The following ZNF547 variants were observed in gnomAD, a reference collection of about 807,000 sequenced individuals.
ZNF547 encodes the protein zinc finger protein 547.
In ZNF547, 4 loss-of-function variants were observed where a neutral mutation model predicts 7.7. The ratio of observed to expected loss-of-function variants is 0.52; its 90% CI spans 0.26 to 1.20. ZNF547 has a LOEUF of 1.20. Among genes scored for constraint, ZNF547 ranks in the 50% most tolerant of loss-of-function variants. The probability of loss-of-function intolerance (pLI) is 0.14; values close to 1 mark genes in which losing one functional copy is unlikely to be tolerated. For synonymous variants in ZNF547, 166 were observed against 166.2 expected, an observed-to-expected ratio of 1.00 and a Z score of 0.01; for missense variants, 449 against 485.8, an observed-to-expected ratio of 0.92 and a Z score of 0.71.
chr19:57,371,832 G>C lies in ZNF547; in HGVS notation c.75G>C (p.Trp25Cys), dbSNP rs1486014176. Reference sequence around the variant, plus strand: ...CCATATATTTCTCCCAGGAGGAGTGGGGGCATCTCGATGAGGCTCAGAGAT... The same window carrying C: ...CCATATATTTCTCCCAGGAGGAGTGCGGGCATCTCGATGAGGCTCAGAGAT... ...DVAIYFSQEE[W>C]GHLDEAQRLL... The change falls in exon 3 of 4, where the codon TGG (tryptophan) becomes TGC (cysteine). Residue 25 changes from tryptophan to cysteine, a missense_variant. Trp to Cys is a radical substitution (Grantham distance 215). Coordinates refer to ENST00000282282, the MANE Select transcript of ZNF547 (RefSeq NM_173631.4). The C allele has an allele frequency of 6.2e-7, 1 of 1,613,602 alleles. No individual in the cohort carries two copies. The highest frequency in any genetic ancestry group is 1.7e-5 in the Admixed American group (1 of 59,826).
Position 57,377,257 on chromosome 19 carries a change from C to G in ZNF547, c.281C>G (p.Ser94Ter). 1 of 1,614,228 alleles carries G rather than the reference C, an allele frequency of 6.2e-7. No homozygotes were observed. The highest frequency in any genetic ancestry group is 8.5e-7 in the Non-Finnish European group (1 of 1,180,056). The change falls in exon 4 of 4, where the codon TCA (serine) becomes TGA (stop). Residue 94 changes from serine (S) to a stop codon, truncating the protein, a stop_gained. Transcript: ENST00000282282. LOFTEE classifies it low-confidence loss of function (END_TRUNC). Reference protein sequence around the residue: ...QNTQPCETCSSLLKDILRLAE... With the variant: ...QNTQPCETCS ...ACCCAGCCCTGTGAGACATGTAGCT[C>G]ACTTCTGAAGGACATTCTGCGTCTG...
At chr19:57,364,839 T>C (rs1428792997) in intron 1 of ZNF547, 1 of 1,606,152 alleles carries the variant, frequency 6.2e-7, no homozygotes, top group African/African-American at 1.3e-5. Context: ...AGACCATGTC[T>C]GGAAGCTTCT....
Position 57,368,662 on chromosome 19 carries a change from CAG to C in ZNF547, c.24+87_24+88del, listed in dbSNP as rs1269654518. On this transcript the variant is annotated intron_variant, in intron 2 of 3. Coordinates refer to ENST00000282282, the MANE Select transcript of ZNF547 (RefSeq NM_173631.4). The stretch of plus-strand genomic sequence containing the variant: ...CCTCCATGTAAAGAAAAGTGGTGTC[CAG>C]AGACTCTCTTTCTGTCTTTCTCCCT... 3.0e-6 allele frequency: 4 copies of C among 1,324,098 alleles called. No individual in the cohort carries two copies. In the Admixed American group the frequency reaches 6.9e-5, roughly 23 times the overall value. The allele number at this position is 1,324,098 out of a possible 1,614,324, so 82.0% of individuals were successfully genotyped here. A position where few individuals can be genotyped will look rare whatever the true frequency, so the allele number is the denominator to read the frequency against.
chr19:57,375,408 TG>T (rs113478685), intron 3 of ZNF547, among the ~76,000 whole-genome samples: 8,419 of 151,362 alleles, frequency 0.056, 746 homozygotes, highest in African/African-American at 0.19. Context: ...CCCAGCACCT[TG>T]GGGGGGCTGA....
chr19:57,368,620 C>T (rs769838011), intron 2 of ZNF547, 41 bp downstream of exon 2: 19 of 1,607,708 alleles, frequency 1.2e-5, no homozygotes, highest in Non-Finnish European at 1.6e-5. Context: ...CCAGTTATCT[C>T]ATAGATGGTT....
At position 57,371,864 on chromosome 19, in the gene ZNF547, A is replaced by G. The variant is rs2088506894; in HGVS notation, c.107A>G (p.Tyr36Cys). 1.9e-6 allele frequency: 3 copies of G among 1,613,470 alleles called. No individual in the cohort carries two copies. The highest frequency in any genetic ancestry group is 2.5e-6 in the Non-Finnish European group (3 of 1,179,744). ...CTCGATGAGGCTCAGAGATTGCTGT[A>G]CCGTGATGTGATGCTGGAGAATTTG... Reference protein sequence around the residue: ...GHLDEAQRLLYRDVMLENLAL... With the variant: ...GHLDEAQRLLCRDVMLENLAL... Residue 36 changes from tyrosine (Y) to cysteine (C), a missense_variant, in exon 3 of 4, where the codon TAC becomes TGC. Coordinates refer to ENST00000282282, the MANE Select transcript of ZNF547 (RefSeq NM_173631.4).
chr19:57,378,503 A>G lies in ZNF547; in HGVS notation c.*318A>G, dbSNP rs2088554126. Reference sequence around the variant, plus strand: ...GTACTTATTGGGCTTCAGAATATCCACACTAGTGAAAGTCTTCTGAGTACA... The same window carrying G: ...GTACTTATTGGGCTTCAGAATATCCGCACTAGTGAAAGTCTTCTGAGTACA... On this transcript the variant is annotated 3_prime_UTR_variant, in exon 4 of 4. Coordinates refer to ENST00000282282, the MANE Select transcript of ZNF547 (RefSeq NM_173631.4). 2 of 492,534 alleles carry G rather than the reference A, an allele frequency of 4.1e-6. No individual in the cohort carries two copies. The highest frequency in any genetic ancestry group is 7.8e-6 in the Non-Finnish European group (2 of 257,768). 30.5% of individuals were successfully genotyped at this position (492,534 alleles called of 1,614,324 possible). A position where few individuals can be genotyped will look rare whatever the true frequency, so the allele number is the denominator to read the frequency against.
chr19:57,373,948 G>A (rs1300384329), intron 3 of ZNF547, among the ~76,000 whole-genome samples: 1 of 152,130 alleles, frequency 6.6e-6, no homozygotes, highest in Non-Finnish European at 1.5e-5. Context: ...ACCATTCTGG[G>A]GACTGGAGGA....
Position 57,377,576 on chromosome 19 carries a change from T to C in ZNF547, c.600T>C (p.Asn200=), listed in dbSNP as rs142398945. 4.0e-5 allele frequency: 64 copies of C among 1,614,148 alleles called. No homozygotes were observed. In the African/African-American group the frequency reaches 8.3e-4, roughly 21 times the overall value. ...GILFMERSTL[N]RHQRTHTGER... is the part of the protein sequence containing the mutation. ...TGTTTATGGAAAGGTCCACACTCAATAGACATCAGAGAACTCACACTGGAG... is the reference window on the plus strand; with the variant it reads ...TGTTTATGGAAAGGTCCACACTCAACAGACATCAGAGAACTCACACTGGAG... The change falls in exon 4 of 4, where the codon AAT becomes AAC. Residue 200 remains asparagine (N), a synonymous_variant. Coordinates refer to ENST00000282282, the MANE Select transcript of ZNF547 (RefSeq NM_173631.4).
intron 2 of ZNF547, among the ~76,000 whole-genome samples, 187 bp downstream of exon 2, chr19:57,368,766 T>G (rs939640235): frequency 6.6e-6 from 1 of 152,224 alleles, no homozygotes; most frequent in Non-Finnish European, 1.5e-5. Flanking sequence ...TTTGATTGTT[T>G]TAAGTTTACT....
intron 3 of ZNF547, among the ~76,000 whole-genome samples, chr19:57,373,358 G>A (rs1355252945): frequency 6.6e-6 from 1 of 152,130 alleles, no homozygotes; most frequent in Non-Finnish European, 1.5e-5. Context: ...CCCTTGACAC[G>A]TGGGGATTAT....
intron 3 of ZNF547, among the ~76,000 whole-genome samples, chr19:57,373,973 C>T (rs1333945182): frequency 3.3e-5 from 5 of 152,192 alleles, no homozygotes. Flanking sequence ...GCCTTCTTCT[C>T]ATAGCTCCAC....
chr19:57,372,648 CTTCTT>C (rs2088513688), intron 3 of ZNF547, among the ~76,000 whole-genome samples: 1 of 152,224 alleles, frequency 6.6e-6, no homozygotes, highest in South Asian at 2.1e-4. Flanking sequence ...ACAACTCACT[CTTCTT>C]TTCCTTCCCC....
At chr19:57,371,649 G>A (rs1484506193) in intron 2 of ZNF547, 133 bp from the exon 3 acceptor site, 4 of 1,359,480 alleles carry the variant, frequency 2.9e-6, no homozygotes, top group Non-Finnish European at 2.0e-6. Flanking sequence ...TGGTAGGGGA[G>A]ATGGAAACAC....
chr19:57,369,923 T>TTTTTTTTTTTTTTTTTA, intron 2 of ZNF547, among the ~76,000 whole-genome samples: 1 of 143,042 alleles, frequency 7.0e-6, no homozygotes, highest in Non-Finnish European at 1.5e-5. Flanking sequence ...TTTTTTTTTT[T>TTTTTTTTTTTTTTTTTA]GAGATGTGGC....
intron 3 of ZNF547, among the ~76,000 whole-genome samples, chr19:57,372,929 C>T (rs537417499): frequency 6.6e-5 from 10 of 152,344 alleles, no homozygotes; most frequent in African/African-American, 2.2e-4. Context: ...TGGAGACCCT[C>T]CTCCTCTCTG....
intron 3 of ZNF547, among the ~76,000 whole-genome samples, chr19:57,374,220 T>C (rs1383160338): frequency 6.6e-6 from 1 of 152,240 alleles, no homozygotes; most frequent in Non-Finnish European, 1.5e-5. Flanking sequence ...GGCTTGGGGC[T>C]TAAACTCTGA....
intron 2 of ZNF547, among the ~76,000 whole-genome samples, chr19:57,370,041 C>T (rs536943838): frequency 4.6e-5 from 7 of 151,564 alleles, no homozygotes; most frequent in Non-Finnish European, 1.0e-4. Context: ...GACAGACTCA[C>T]CCCACTACGC....
At chr19:57,368,225 A>T (rs551677919) in intron 1 of ZNF547, 1 of 251,460 alleles carries the variant, frequency 4.0e-6, no homozygotes, top group South Asian at 1.5e-4. Context: ...GAAAACATAT[A>T]GTAAACCATT....
Sources: gnomAD v4.1 joint callset for allele counts (sites outside exome capture counted in the v4.1 genomes callset) on GRCh38, gnomAD v4.1.1 for gene constraint, MANE v1.5 for transcripts, NCBI Gene and HGNC (gene_info 2026-07-23, HGNC 2026-07-21) for gene names.